Variants in SESTD1 observed in about 807,000 individuals in gnomAD.
SESTD1 encodes the protein SEC14 and spectrin domain containing 1.
Under a neutral mutation model 101.7 loss-of-function variants are expected in SESTD1, and 43 were observed. That is an observed-to-expected ratio of 0.42 (90% CI 0.33 to 0.55). The LOEUF is 0.55. Ranked by LOEUF, SESTD1 falls within the 20% of genes least tolerant of loss-of-function variation. The pLI, the probability that SESTD1 is intolerant of heterozygous loss-of-function variation, is 0.07. For synonymous variants in SESTD1, 283 were observed against 286.8 expected, an observed-to-expected ratio of 0.99 and a Z score of 0.13; for missense variants, 647 against 815.1, an observed-to-expected ratio of 0.79 and a Z score of 2.51.
At chr2:179,161,559 G>A (rs372099447) in intron 5 of SESTD1, among the ~76,000 whole-genome samples, 1 of 151,882 alleles carries the variant, frequency 6.6e-6, no homozygotes, top group East Asian at 1.9e-4. Flanking sequence ...TACTCAGGAG[G>A]CTGAGGCAAG....
chr2:179,115,573 T>C (rs767297114), intron 15 of SESTD1, among the ~76,000 whole-genome samples: 4 of 151,014 alleles, frequency 2.6e-5, no homozygotes, highest in Admixed American at 2.6e-4. Context: ...CATAGCAAGA[T>C]CCTATCTCTA....
chr2:179,193,413 A>C (rs2046346773), intron 1 of SESTD1, among the ~76,000 whole-genome samples: 1 of 152,186 alleles, frequency 6.6e-6, no homozygotes, highest in South Asian at 2.1e-4. Context: ...AAAGCTCACA[A>C]TTTACATCTT....
chr2:179,182,295 T>C (rs563024163), intron 3 of SESTD1, among the ~76,000 whole-genome samples: 1 of 152,060 alleles, frequency 6.6e-6, no homozygotes, highest in Non-Finnish European at 1.5e-5. Context: ...TGCCCTCATT[T>C]ACATGCTTAA....
chr2:179,110,936 C>T (rs1397858473), intron 17 of SESTD1, among the ~76,000 whole-genome samples: 4 of 152,174 alleles, frequency 2.6e-5, no homozygotes, highest in Non-Finnish European at 4.4e-5. Flanking sequence ...ATAGTACTAA[C>T]ATTCTTTTAT....
In SESTD1 at chr2:179,107,638, TTAAAA is replaced by T. The variant is rs1246720600; in HGVS notation, c.*2256_*2260del. The T allele has an allele frequency of 2.6e-5, 4 of 152,116 alleles. No individual in the cohort carries two copies. Among genetic ancestry groups the T allele is most frequent in the Non-Finnish European group, 5.9e-5 (4 of 68,020 alleles). 9.4% of individuals were successfully genotyped at this position (152,116 alleles called of 1,614,324 possible). On this transcript the variant is annotated 3_prime_UTR_variant, in exon 18 of 18. Transcript: ENST00000428443. ...ATTCACTTGTAAGTCAGTTCTAACT[TTAAAA>T]AAGTATGTTTAAAACATACTTCAGA...
Position 179,115,116 on chromosome 2 carries a change from C to T in SESTD1, c.1788G>A (p.Glu596=). The T allele has an allele frequency of 6.2e-7, 1 of 1,612,004 alleles. No homozygotes were observed. The highest frequency in any genetic ancestry group is 1.1e-5 in the South Asian group (1 of 90,196). Residue 596 remains glutamate, a synonymous_variant, in exon 16 of 18, where the codon GAG becomes GAA. Coordinates refer to ENST00000428443, the MANE Select transcript of SESTD1 (RefSeq NM_178123.5). ...TAGCCATTTCCAATCTATGTACTCT[C>T]TCTTCAGATGCTATTGTAAATTGTT... The part of the protein sequence containing the change: ...VWKQFTIASE[E]RVHRLEMAIA...
chr2:179,258,287 A>G (rs1438162831), intron 1 of SESTD1, among the ~76,000 whole-genome samples: 1 of 152,208 alleles, frequency 6.6e-6, no homozygotes, highest in Non-Finnish European at 1.5e-5. Context: ...TGAAGCCCCA[A>G]TAGATAGAAT....
chr2:179,161,634 C>T (rs1317347451), intron 5 of SESTD1, among the ~76,000 whole-genome samples: 3 of 151,244 alleles, frequency 2.0e-5, no homozygotes, highest in African/African-American at 7.3e-5. Context: ...TGCATTCCAG[C>T]CTGGCAACAC....
chr2:179,179,445 G>C (rs1024183392), intron 3 of SESTD1, among the ~76,000 whole-genome samples: 4 of 152,154 alleles, frequency 2.6e-5, no homozygotes, highest in African/African-American at 9.7e-5. Flanking sequence ...GACAATGTTA[G>C]TGGATTTCCT....
In SESTD1 at chr2:179,155,805, AGTG is replaced by A. The variant is rs1559118495; in HGVS notation, c.370-4417_370-4415del. The stretch of plus-strand genomic sequence containing the variant: ...GTTTAGTTACATGAGTAATTTCTTT[AGTG>A]GTGATTTGTGAGATTTTGGTGCACC... On this transcript the variant is annotated intron_variant, in intron 5 of 17. Coordinates refer to ENST00000428443, the MANE Select transcript of SESTD1 (RefSeq NM_178123.5). Among the ~76,000 whole-genome samples the A allele has an allele frequency of 2.6e-5, 4 of 152,246 alleles. No individual in the cohort carries two copies. The East Asian group carries it at 7.7e-4, about 29-fold the overall frequency.
chr2:179,218,360 T>G (rs2046755565), intron 1 of SESTD1, among the ~76,000 whole-genome samples: 1 of 152,078 alleles, frequency 6.6e-6, no homozygotes, highest in Admixed American at 6.5e-5. Flanking sequence ...TTCACAACAT[T>G]CGTAACAAAA....
At chr2:179,220,072 T>C (rs971929433) in intron 1 of SESTD1, among the ~76,000 whole-genome samples, 5 of 150,722 alleles carry the variant, frequency 3.3e-5, no homozygotes, top group African/African-American at 1.2e-4. Context: ...TAGTGGAACA[T>C]TAAAAGTCCT....
In SESTD1 at chr2:179,104,709, T is replaced by G. The variant is rs1490186588; in HGVS notation, c.*5190A>C. 2 of 152,124 alleles carry G rather than the reference T, an allele frequency of 1.3e-5. No individual in the cohort carries two copies. The highest frequency in any genetic ancestry group is 1.5e-5 in the Non-Finnish European group (1 of 68,014). The allele number at this position is 152,124 out of a possible 1,614,324, so 9.4% of individuals were successfully genotyped here. A position where few individuals can be genotyped will look rare whatever the true frequency, so the allele number is the denominator to read the frequency against. On this transcript the variant is annotated 3_prime_UTR_variant, in exon 18 of 18. Coordinates refer to ENST00000428443, the MANE Select transcript of SESTD1 (RefSeq NM_178123.5). ...CCCTAATAACACTGCTCCTGATAAGTAGCAGTTGATAACTACTTTCAGTTA... is the reference window on the plus strand; with the variant it reads ...CCCTAATAACACTGCTCCTGATAAGGAGCAGTTGATAACTACTTTCAGTTA...
intron 1 of SESTD1, among the ~76,000 whole-genome samples, chr2:179,243,959 TATACACAC>T (rs2047192424): frequency 6.8e-6 from 1 of 147,908 alleles, no homozygotes; most frequent in Non-Finnish European, 1.5e-5. Flanking sequence ...TATATATATA[TATACACAC>T]ACACACACAC....
At position 179,264,820 on chromosome 2, in the gene SESTD1, G is replaced by T. The variant is rs1559169106; in HGVS notation, c.-347C>A. The T allele has an allele frequency of 6.6e-6, 1 of 151,824 alleles. No homozygotes were observed. Among genetic ancestry groups the T allele is most frequent in the East Asian group, 2.0e-4 (1 of 5,126 alleles). The allele number at this position is 151,824 out of a possible 1,614,324, so 9.4% of individuals were successfully genotyped here. On this transcript the variant is annotated 5_prime_UTR_variant, in exon 1 of 18. Transcript: ENST00000428443. ...GGCGGTACAGCAACCCGCCCGGCGC[G>T]GGAAGGAGGAAGGAGGCGGGGCGGG... is the stretch of plus-strand genomic sequence containing the variant.
chr2:179,229,619 C>T (rs2046947681), intron 1 of SESTD1, among the ~76,000 whole-genome samples: 2 of 151,560 alleles, frequency 1.3e-5, no homozygotes, highest in Non-Finnish European at 2.9e-5. Context: ...GTAATACAAA[C>T]AAGGACGGCG....
At chr2:179,201,950 T>TA (rs1309368586) in intron 1 of SESTD1, among the ~76,000 whole-genome samples, 2 of 126,576 alleles carry the variant, frequency 1.6e-5, no homozygotes, top group African/African-American at 6.3e-5. Flanking sequence ...ATAATAATAA[T>TA]AATAATAAAG....
rs1470720952 is a variant in SESTD1, at chr2:179,120,455, T to TAA, written c.1442+1313_1442+1314dup. 9.9e-4 allele frequency among the ~76,000 whole-genome samples: 150 copies of TAA among 151,984 alleles called. 16 individuals are homozygous for TAA. The highest frequency in any genetic ancestry group is 8.8e-5 in the Non-Finnish European group (6 of 67,992). ...AGTGAGAATGTCCAGGGAGAATATA[T>TAA]AAAGAAGGGAATCTGGCCTCAGAAC... On this transcript the variant is annotated intron_variant, in intron 13 of 17. Coordinates refer to ENST00000428443, the MANE Select transcript of SESTD1 (RefSeq NM_178123.5).
chr2:179,134,988 AGGCTAGAGTGCAGT>A (rs1348682100), intron 9 of SESTD1, among the ~76,000 whole-genome samples: 3 of 152,146 alleles, frequency 2.0e-5, no homozygotes, highest in African/African-American at 7.2e-5. Flanking sequence ...TCTGTTGTCC[AGGCTAGAGTGCAGT>A]GGCATGATCA....
Sources: allele counts gnomAD v4.1 joint callset (sites outside exome capture counted in the v4.1 genomes callset), GRCh38; gene constraint gnomAD v4.1.1; transcripts MANE v1.5; gene names NCBI Gene and HGNC (gene_info 2026-07-23, HGNC 2026-07-21).